Variants in MAPK8 observed in about 807,000 individuals in gnomAD.
MAPK8 encodes mitogen-activated protein kinase 8, also known as JUN N-terminal kinase.
Under a neutral mutation model 52.9 loss-of-function variants are expected in MAPK8, and 13 were observed. The ratio of observed to expected loss-of-function variants is 0.25; its 90% CI spans 0.16 to 0.39. MAPK8 has a LOEUF of 0.39. Among genes scored for constraint, MAPK8 ranks in the 10% least tolerant of loss-of-function variants. The pLI is 1.00. For missense variants in MAPK8, 300 were observed against 519.2 expected, an observed-to-expected ratio of 0.58 and a Z score of 4.10; for synonymous variants, 191 against 169.8, an observed-to-expected ratio of 1.12 and a Z score of -0.97.
chr10:48,420,605 A>T (rs2043299318), intron 6 of MAPK8, among the ~76,000 whole-genome samples: 1 of 152,180 alleles, frequency 6.6e-6, no homozygotes, highest in African/African-American at 2.4e-5. Context: ...TTGCTTGCCT[A>T]TAACTTGAAA....
intron 1 of MAPK8, among the ~76,000 whole-genome samples, chr10:48,376,479 A>G (rs757230467): frequency 3.9e-5 from 6 of 152,308 alleles, no homozygotes; most frequent in Non-Finnish European, 2.9e-5. Context: ...TTTGCAATCT[A>G]TCCATCTGAC....
chr10:48,351,596 T>C (rs779818150), intron 1 of MAPK8, among the ~76,000 whole-genome samples: 27 of 151,806 alleles, frequency 1.8e-4, no homozygotes, highest in Middle Eastern at 3.4e-3. Flanking sequence ...AAAAAGGAAG[T>C]TTTCAGCATA....
At chr10:48,325,649 G>A (rs775325181) in intron 1 of MAPK8, among the ~76,000 whole-genome samples, 1 of 152,138 alleles carries the variant, frequency 6.6e-6, no homozygotes, top group Non-Finnish European at 1.5e-5. Flanking sequence ...ATTACAATTA[G>A]TGAAAAGTAT....
chr10:48,415,150 T>C (rs2042995486), intron 5 of MAPK8, among the ~76,000 whole-genome samples: 2 of 152,154 alleles, frequency 1.3e-5, no homozygotes, highest in South Asian at 4.1e-4. Context: ...AATAACATAA[T>C]AAAAATCTCT....
chr10:48,404,154 T>C (rs916859359), intron 2 of MAPK8, among the ~76,000 whole-genome samples: 1 of 151,480 alleles, frequency 6.6e-6, no homozygotes, highest in Non-Finnish European at 1.5e-5. Flanking sequence ...CAGCAAATCT[T>C]TTGAGTAGAA....
chr10:48,364,660 A>C (rs1474256336), intron 1 of MAPK8, among the ~76,000 whole-genome samples: 3 of 152,206 alleles, frequency 2.0e-5, no homozygotes, highest in African/African-American at 7.2e-5. Flanking sequence ...AGAAACAGTA[A>C]GTTAGAGAGG....
At chr10:48,314,859 A>C (rs1842345428) in intron 1 of MAPK8, among the ~76,000 whole-genome samples, 1 of 152,130 alleles carries the variant, frequency 6.6e-6, no homozygotes, top group African/African-American at 2.4e-5. Context: ...GCTGTTTTCC[A>C]TTCTATGGTA....
intron 1 of MAPK8, among the ~76,000 whole-genome samples, chr10:48,356,025 T>C (rs1846891797): frequency 6.6e-6 from 1 of 152,122 alleles, no homozygotes; most frequent in Non-Finnish European, 1.5e-5. Flanking sequence ...GCATTTGCAA[T>C]TAGGAAGTCT....
At position 48,398,202 on chromosome 10, in the gene MAPK8, G is replaced by GA. The variant is rs545890288; in HGVS notation, c.-49-3404dup. On this transcript the variant is annotated intron_variant, in intron 1 of 11. Transcript: ENST00000374189. ...AATGGAAAGGCAAGCCACAGACTGG[G>GA]AAAAAATAGTTGCAAAACATCTGAC... 1.4e-4 allele frequency among the ~76,000 whole-genome samples: 22 copies of GA among 151,890 alleles called. No individual in the cohort carries two copies. In the East Asian group the frequency reaches 4.1e-3, roughly 28 times the overall value.
intron 1 of MAPK8, among the ~76,000 whole-genome samples, chr10:48,381,408 C>G (rs985454000): frequency 2.6e-5 from 4 of 151,052 alleles, no homozygotes; most frequent in African/African-American, 9.7e-5. Context: ...ATCCTACTTT[C>G]ATTGTATACT....
intron 6 of MAPK8, among the ~76,000 whole-genome samples, chr10:48,421,739 G>C (rs984187809): frequency 1.3e-5 from 2 of 152,070 alleles, no homozygotes; most frequent in Non-Finnish European, 2.9e-5. Flanking sequence ...GGGAGGTGGA[G>C]GTTACAGTGA....
At chr10:48,334,392 T>A (rs914450663) in intron 1 of MAPK8, among the ~76,000 whole-genome samples, 1 of 152,100 alleles carries the variant, frequency 6.6e-6, no homozygotes, top group South Asian at 2.1e-4. Context: ...GAACTGCAGA[T>A]TGGGACTCTG....
chr10:48,353,369 A>G (rs1284026854), intron 1 of MAPK8, among the ~76,000 whole-genome samples: 1 of 152,218 alleles, frequency 6.6e-6, no homozygotes, highest in Non-Finnish European at 1.5e-5. Context: ...AAGACAGTGT[A>G]GTATTGGCAG....
At chr10:48,310,429 C>T (rs1841864234) in intron 1 of MAPK8, among the ~76,000 whole-genome samples, 3 of 152,004 alleles carry the variant, frequency 2.0e-5, no homozygotes, top group African/African-American at 2.4e-5. Context: ...TCTTTAATAT[C>T]CAGACTTAGA....
At chr10:48,363,330 A>G (rs1218860425) in intron 1 of MAPK8, among the ~76,000 whole-genome samples, 1 of 152,124 alleles carries the variant, frequency 6.6e-6, no homozygotes, top group Non-Finnish European at 1.5e-5. Flanking sequence ...TCATTTATCT[A>G]TTCCTATTTC....
intron 5 of MAPK8, among the ~76,000 whole-genome samples, chr10:48,413,739 T>C (rs1209544661): frequency 1.4e-5 from 2 of 146,280 alleles, no homozygotes; most frequent in Admixed American, 6.8e-5. Flanking sequence ...CAAAATAAAC[T>C]GCTGTTATTA....
intron 1 of MAPK8, among the ~76,000 whole-genome samples, chr10:48,312,591 G>A (rs1228095646): frequency 6.6e-6 from 1 of 152,132 alleles, no homozygotes; most frequent in African/African-American, 2.4e-5. Context: ...CATTAATTGG[G>A]TAGAAAAATC....
intron 7 of MAPK8, 105 bp from the exon 8 acceptor site, chr10:48,425,783 C>G (rs963515522): frequency 9.6e-6 from 6 of 624,560 alleles, no homozygotes; most frequent in Non-Finnish European, 1.6e-5. Context: ...ATAACTGCCA[C>G]ATCCTTTCTT....
At chr10:48,355,346 A>G (rs1212596340) in intron 1 of MAPK8, among the ~76,000 whole-genome samples, 1 of 152,050 alleles carries the variant, frequency 6.6e-6, no homozygotes, top group Non-Finnish European at 1.5e-5. Context: ...CATCTCTACT[A>G]AAAATACAAA....
Sources: gnomAD v4.1 joint callset for allele counts (sites outside exome capture counted in the v4.1 genomes callset) on GRCh38, gnomAD v4.1.1 for gene constraint, MANE v1.5 for transcripts, NCBI Gene and HGNC (gene_info 2026-07-23, HGNC 2026-07-21) for gene names.